PITPNC1: variants seen among roughly 807,000 people sequenced by gnomAD.
PITPNC1 encodes phosphatidylinositol transfer protein cytoplasmic 1, also known as cytoplasmic phosphatidylinositol transfer protein 1.
PITPNC1 carries 18 observed loss-of-function variants against 44.7 expected under a neutral mutation model. That is an observed-to-expected ratio of 0.40 (90% CI 0.28 to 0.60). The LOEUF (loss-of-function observed/expected upper bound fraction) is 0.60. PITPNC1 is among the 20% of genes least tolerant of loss of function. The pLI is 0.39. For missense variants in PITPNC1, 290 were observed against 418.4 expected (o/e 0.69, Z 2.68); for synonymous variants, 141 against 149.6 (o/e 0.94, Z 0.42).
chr17:67,624,768 C>A (rs1598901278), intron 5 of PITPNC1, among the ~76,000 whole-genome samples: 1 of 152,080 alleles, frequency 6.6e-6, no homozygotes, highest in Non-Finnish European at 1.5e-5. Flanking sequence ...ACTGATCCAC[C>A]TGTCTTGGCC....
At chr17:67,630,609 A>G (rs928572550) in intron 5 of PITPNC1, among the ~76,000 whole-genome samples, 26 of 152,212 alleles carry the variant, frequency 1.7e-4, no homozygotes, top group African/African-American at 5.8e-4. Context: ...CTCCGTCTCA[A>G]AAAAAGAAAG....
Position 67,552,915 on chromosome 17 carries a change from T to G in PITPNC1, c.286+570T>G, listed in dbSNP as rs141296676. On this transcript the variant is annotated intron_variant, in intron 3 of 8. Transcript: ENST00000581322. The stretch of plus-strand genomic sequence containing the variant: ...CCCTGTTTCCTCAATAATTCCCAAG[T>G]AATTTAGGGGTATAATTTGTCTGTA... 9.2e-5 allele frequency among the ~76,000 whole-genome samples: 14 copies of G among 152,270 alleles called. No individual in the cohort carries two copies. The East Asian group carries it at 2.7e-3, about 29-fold the overall frequency.
chr17:67,470,449 C>T (rs2039504241), intron 1 of PITPNC1, among the ~76,000 whole-genome samples: 1 of 152,230 alleles, frequency 6.6e-6, no homozygotes. Context: ...TGCTTTTGCA[C>T]TAAAGTCTTG....
chr17:67,497,865 T>TC (rs1436144853), intron 1 of PITPNC1, among the ~76,000 whole-genome samples: 2 of 146,374 alleles, frequency 1.4e-5, no homozygotes, highest in Non-Finnish European at 3.0e-5. Context: ...TTTTCTTTCT[T>TC]TTTTTTTTTT....
chr17:67,639,664 G>GT (rs2042071236), intron 6 of PITPNC1, among the ~76,000 whole-genome samples: 1 of 152,192 alleles, frequency 6.6e-6, no homozygotes, highest in Non-Finnish European at 1.5e-5. Flanking sequence ...AGGTCCCTGG[G>GT]TCATAGCCTT....
At chr17:67,414,766 C>T (rs2038562000) in intron 1 of PITPNC1, among the ~76,000 whole-genome samples, 1 of 152,118 alleles carries the variant, frequency 6.6e-6, no homozygotes, top group Non-Finnish European at 1.5e-5. Context: ...AATGCCATGT[C>T]AATAGAGAAT....
At chr17:67,603,261 C>T (rs2041565155) in intron 5 of PITPNC1, among the ~76,000 whole-genome samples, 1 of 151,910 alleles carries the variant, frequency 6.6e-6, no homozygotes, top group Non-Finnish European at 1.5e-5. Flanking sequence ...AAAAGCAAGG[C>T]AAAGAGGGTA....
rs556409374 is a variant in PITPNC1, at chr17:67,377,495, A to AGCG, written c.-642_-640dup. ...CCGGGGCCCCAGCCGGGCAGAGCCGAGCGGCGGCGGCGGCGGCGGCTTCCC... is the reference window on the plus strand; with the variant it reads ...CCGGGGCCCCAGCCGGGCAGAGCCGAGCGGCGGCGGCGGCGGCGGCGGCTTCCC... On this transcript the variant is annotated 5_prime_UTR_variant, in exon 1 of 9. Transcript: ENST00000581322. 959 of 153,902 alleles carry AGCG rather than the reference A, an allele frequency of 6.2e-3. 5 individuals are homozygous for AGCG. Among genetic ancestry groups the AGCG allele is most frequent in the African/African-American group, 0.021 (875 of 41,476 alleles). The allele number at this position is 153,902 out of a possible 1,614,324, so 9.5% of individuals were successfully genotyped here.
chr17:67,525,247 C>T (rs1490676715), intron 1 of PITPNC1: 2 of 152,152 alleles, frequency 1.3e-5, no homozygotes, highest in African/African-American at 4.8e-5. Flanking sequence ...CTGAGGGTGG[C>T]CCAGACTGGA....
intron 1 of PITPNC1, among the ~76,000 whole-genome samples, chr17:67,440,699 A>AT (rs950356204): frequency 2.3e-4 from 34 of 147,310 alleles, no homozygotes; most frequent in East Asian, 6.0e-4. Context: ...TGCCTGGCTG[A>AT]TTTTTTTTTT....
At chr17:67,585,374 C>T (rs1568052815) in intron 5 of PITPNC1, among the ~76,000 whole-genome samples, 1 of 152,012 alleles carries the variant, frequency 6.6e-6, no homozygotes, top group South Asian at 2.1e-4. Context: ...CAGGTTCATA[C>T]GTGGAAGCTT....
intron 1 of PITPNC1, among the ~76,000 whole-genome samples, chr17:67,441,828 T>C (rs1324306759): frequency 1.3e-5 from 2 of 152,204 alleles, no homozygotes; most frequent in African/African-American, 4.8e-5. Context: ...AAGTAGGAAC[T>C]GCACACGCCT....
chr17:67,440,219 C>T (rs1045210918), intron 1 of PITPNC1, among the ~76,000 whole-genome samples: 4 of 152,150 alleles, frequency 2.6e-5, no homozygotes, highest in Admixed American at 2.6e-4. Flanking sequence ...ATGCACAATA[C>T]TCTACAATGA....
At chr17:67,646,691 G>A (rs1051382782) in intron 6 of PITPNC1, among the ~76,000 whole-genome samples, 1 of 150,582 alleles carries the variant, frequency 6.6e-6, no homozygotes, top group South Asian at 2.1e-4. Flanking sequence ...TGTGTGTGTG[G>A]GTGTGTGTGT....
intron 1 of PITPNC1, chr17:67,459,718 A>G (rs576401970): frequency 1.3e-5 from 2 of 152,210 alleles, no homozygotes; most frequent in Non-Finnish European, 1.5e-5. Context: ...ATCACTTTCT[A>G]TGCTGTGTCA....
In PITPNC1 at chr17:67,676,208, G is replaced by GAAA. The variant is rs74446011; in HGVS notation, c.682+678_682+680dup. The stretch of plus-strand genomic sequence containing the variant: ...GGGGACAGAGCGAGACTCCGTCTCG[G>GAAA]AAAAAAAAAAAAAAGAAAGAAAGAA... On this transcript the variant is annotated intron_variant, in intron 8 of 8. Transcript: ENST00000581322. The surrounding 1 kb of genome is among the most constrained non-coding windows in gnomAD (Gnocchi z 4.0). 7.9e-6 allele frequency among the ~76,000 whole-genome samples: 1 copy of GAAA among 126,886 alleles called. No homozygotes were observed. Among genetic ancestry groups the GAAA allele is most frequent in the African/African-American group, 2.9e-5 (1 of 34,938 alleles). The allele number at this position is 126,886 out of a possible 152,430, so 83.2% of individuals were successfully genotyped here.
At chr17:67,461,105 T>C (rs1412498390) in intron 1 of PITPNC1, among the ~76,000 whole-genome samples, 1 of 152,152 alleles carries the variant, frequency 6.6e-6, no homozygotes, top group East Asian at 1.9e-4. Context: ...CCGGTACTCC[T>C]TTCTTTTCTC....
chr17:67,652,639 C>A (rs1476309944), intron 6 of PITPNC1, among the ~76,000 whole-genome samples: 1 of 152,212 alleles, frequency 6.6e-6, no homozygotes, highest in African/African-American at 2.4e-5. Flanking sequence ...CCACGCGTTC[C>A]CCACCAGCCA....
chr17:67,696,198 C>T lies in PITPNC1; in HGVS notation c.*3310C>T, dbSNP rs1161455868. The T allele has an allele frequency of 6.6e-6, 1 of 152,158 alleles. No homozygotes were observed. The highest frequency in any genetic ancestry group is 1.5e-5 in the Non-Finnish European group (1 of 68,036). The allele number at this position is 152,158 out of a possible 1,614,324, so 9.4% of individuals were successfully genotyped here. On this transcript the variant is annotated 3_prime_UTR_variant, in exon 9 of 9. Transcript: ENST00000581322. ...GTGGGTATATTATGCAGACACTTAC[C>T]ACAATACCTGCAAAAGTAACTGTGG...
Sources: allele counts gnomAD v4.1 joint callset (sites outside exome capture counted in the v4.1 genomes callset), GRCh38; gene constraint gnomAD v4.1.1; non-coding constraint Gnocchi (gnomAD v3.1); transcripts MANE v1.5; gene names NCBI Gene and HGNC (gene_info 2026-07-23, HGNC 2026-07-21).